CTCFL: variants seen among roughly 807,000 people sequenced by gnomAD.
CTCFL encodes CCCTC-binding factor like, also known as transcriptional repressor CTCFL.
A neutral mutation model predicts 67.4 loss-of-function variants in CTCFL; 36 were observed. That is an observed-to-expected ratio of 0.53 (90% CI 0.41 to 0.71). The LOEUF (loss-of-function observed/expected upper bound fraction) is 0.71. Ranked by LOEUF, CTCFL falls within the 30% of genes least tolerant of loss-of-function variation. The pLI is 0.00. For synonymous variants in CTCFL, 324 were observed against 302.3 expected, an observed-to-expected ratio of 1.07 and a Z score of -0.75; for missense variants, 786 against 835.2, an observed-to-expected ratio of 0.94 and a Z score of 0.73.
At chr20:57,518,124 C>T (rs543441465) in intron 5 of CTCFL, among the ~76,000 whole-genome samples, 5 of 152,244 alleles carry the variant, frequency 3.3e-5, no homozygotes, top group African/African-American at 9.6e-5. Flanking sequence ...GGCTCAAAAC[C>T]GGGCCTCAGC....
chr20:57,508,561 AG>A lies in CTCFL; in HGVS notation c.1674+44del, dbSNP rs766399688. 16 of 1,580,316 alleles carry A rather than the reference AG, an allele frequency of 1.0e-5. No individual in the cohort carries two copies. The South Asian group carries it at 1.7e-4, about 17-fold the overall frequency. ...GTGTGACACTGTCCTCCTGAGATAGAGGGATCTTTCCATGGGGGATTTACTG... is the reference window on the plus strand; with the variant it reads ...GTGTGACACTGTCCTCCTGAGATAGAGGATCTTTCCATGGGGGATTTACTG... On this transcript the variant is annotated intron_variant, in intron 9 of 10. Coordinates refer to ENST00000243914, the MANE Select transcript of CTCFL (RefSeq NM_001386993.1).
intron 9 of CTCFL, 47 bp from the exon 10 acceptor site, chr20:57,503,648 A>T (rs761932459): frequency 6.2e-7 from 1 of 1,600,150 alleles, no homozygotes; most frequent in East Asian, 2.2e-5. Flanking sequence ...GAGATGGGGC[A>T]GGGACCCCTC....
intron 10 of CTCFL, among the ~76,000 whole-genome samples, chr20:57,501,179 C>T (rs549633304): frequency 1.4e-4 from 22 of 152,292 alleles, no homozygotes; most frequent in African/African-American, 4.8e-4. Flanking sequence ...GGGACGGACC[C>T]GATGGGCCAG....
At chr20:57,515,489 C>T in intron 6 of CTCFL, 2 of 533,572 alleles carry the variant, frequency 3.7e-6, no homozygotes, top group Non-Finnish European at 6.6e-6. Flanking sequence ...GAAGCAAATA[C>T]TTTGTGTTTT....
intron 1 of CTCFL, chr20:57,524,608 C>G: frequency 1.9e-6 from 2 of 1,026,162 alleles, no homozygotes; most frequent in Non-Finnish European, 1.2e-6. Flanking sequence ...GGTTTGGGCC[C>G]AGCAGGCTCT....
chr20:57,503,345 ACATCCCCTGGACAG>A (rs1185077115), intron 10 of CTCFL, 77 bp downstream of exon 10: 1 of 1,468,856 alleles, frequency 6.8e-7, no homozygotes, highest in Non-Finnish European at 9.4e-7. Context: ...GGCTCTGGAC[ACATCCCCTGGACAG>A]TAACACTCGG....
chr20:57,517,140 A>C (rs576134423), intron 5 of CTCFL, among the ~76,000 whole-genome samples: 3 of 152,224 alleles, frequency 2.0e-5, no homozygotes, highest in African/African-American at 7.2e-5. Context: ...GTATATTAGA[A>C]AGCAAAACAA....
chr20:57,522,321 G>T (rs1367313941), intron 3 of CTCFL, among the ~76,000 whole-genome samples: 2 of 152,198 alleles, frequency 1.3e-5, no homozygotes, highest in East Asian at 1.9e-4. Flanking sequence ...AAAAGAGCTA[G>T]AAATTGAAAT....
intron 5 of CTCFL, among the ~76,000 whole-genome samples, chr20:57,517,456 T>G (rs562292236): frequency 6.6e-6 from 1 of 152,162 alleles, no homozygotes; most frequent in Non-Finnish European, 1.5e-5. Context: ...TTTTGTATTT[T>G]TAGTAGAGAC....
chr20:57,503,043 G>A (rs1056516223), intron 10 of CTCFL, among the ~76,000 whole-genome samples: 4 of 152,172 alleles, frequency 2.6e-5, no homozygotes, highest in Non-Finnish European at 5.9e-5. Context: ...GTCCCCCGAG[G>A]GAGGGCGGCC....
At chr20:57,497,125 AG>A, downstream of CTCFL, 2 of 492,290 alleles carry the variant, frequency 4.1e-6, no homozygotes, top group Non-Finnish European at 5.3e-6. Context: ...CTCCAGACAA[AG>A]AAGATGTTTT....
Position 57,506,874 on chromosome 20 carries a change from C to T in CTCFL, c.1674+1732G>A, listed in dbSNP as rs140704296. ...CAATGGTGTTTTGGGAGCACTGCCACAGCTTTTATTTGAAATTTTAAACTA... is the reference window on the plus strand; with the variant it reads ...CAATGGTGTTTTGGGAGCACTGCCATAGCTTTTATTTGAAATTTTAAACTA... On this transcript the variant is annotated intron_variant, in intron 9 of 10. Coordinates refer to ENST00000243914, the MANE Select transcript of CTCFL (RefSeq NM_001386993.1). 1,985 of 985,236 alleles carry T rather than the reference C, an allele frequency of 2.0e-3. 5 individuals are homozygous for T. The highest frequency in any genetic ancestry group is 2.1e-3 in the Middle Eastern group (4 of 1,914). The allele number at this position is 985,236 out of a possible 1,614,324, so 61.0% of individuals were successfully genotyped here. A position where few individuals can be genotyped will look rare whatever the true frequency, so the allele number is the denominator to read the frequency against.
intron 7 of CTCFL, 116 bp downstream of exon 7, chr20:57,514,476 A>G: frequency 7.9e-7 from 1 of 1,267,962 alleles, no homozygotes; most frequent in Non-Finnish European, 1.1e-6. Flanking sequence ...TCCCAGGGCC[A>G]AGTTCCCGAA....
chr20:57,523,533 TC>T (rs2069559772), intron 2 of CTCFL, 129 bp downstream of exon 2: 1 of 1,305,056 alleles, frequency 7.7e-7, no homozygotes, highest in South Asian at 1.5e-5. Flanking sequence ...CTCAAGATTT[TC>T]CTGGGAAGTA....
At position 57,514,824 on chromosome 20, in the gene CTCFL, T is replaced by C. The variant is rs1216429460; in HGVS notation, c.1181-83A>G. On this transcript the variant is annotated intron_variant, in intron 6 of 10. Transcript: ENST00000243914. The stretch of plus-strand genomic sequence containing the variant: ...CCTGTGCTGAAAGTGTTTTTTTTTT[T>C]TGCCCCAAGCCTCCTTTATCAACCC... 8 of 1,430,548 alleles carry C rather than the reference T, an allele frequency of 5.6e-6. No homozygotes were observed. The African/African-American group carries it at 1.2e-4, about 21-fold the overall frequency. 88.6% of individuals were successfully genotyped at this position (1,430,548 alleles called of 1,614,324 possible). A position where few individuals can be genotyped will look rare whatever the true frequency, so the allele number is the denominator to read the frequency against.
At chr20:57,521,113 C>T (rs1034377172) in intron 3 of CTCFL, among the ~76,000 whole-genome samples, 1 of 152,188 alleles carries the variant, frequency 6.6e-6, no homozygotes, top group Admixed American at 6.5e-5. Flanking sequence ...CATGGCTTTG[C>T]CAACACCTCA....
chr20:57,513,298 T>C (rs541964504), intron 7 of CTCFL: 368 of 985,738 alleles, frequency 3.7e-4, no homozygotes, highest in Non-Finnish European at 3.5e-4. Flanking sequence ...GAAATTAACC[T>C]GAGACACATG....
At chr20:57,518,561 G>A in intron 5 of CTCFL, 197 bp downstream of exon 5, 2 of 1,431,864 alleles carry the variant, frequency 1.4e-6, no homozygotes, top group Non-Finnish European at 1.9e-6. Flanking sequence ...TCACTAATTA[G>A]TAATCAAAGA....
chr20:57,524,369 A>C lies in CTCFL; in HGVS notation c.-11-153T>G. On this transcript the variant is annotated intron_variant, in intron 1 of 10. Coordinates refer to ENST00000243914, the MANE Select transcript of CTCFL (RefSeq NM_001386993.1). ...ACTTAGTAGGGTCAGAACAATGCTGATCTGGCTTGGGTCTAGGAGGGGGTC... is the reference window on the plus strand; with the variant it reads ...ACTTAGTAGGGTCAGAACAATGCTGCTCTGGCTTGGGTCTAGGAGGGGGTC... The C allele has an allele frequency of 5.5e-6, 8 of 1,454,406 alleles. No individual in the cohort carries two copies. In the South Asian group the frequency reaches 1.2e-4, roughly 21 times the overall value. 90.1% of individuals were successfully genotyped at this position (1,454,406 alleles called of 1,614,324 possible).
Sources: gnomAD v4.1 joint callset for allele counts (sites outside exome capture counted in the v4.1 genomes callset) on GRCh38, gnomAD v4.1.1 for gene constraint, MANE v1.5 for transcripts, NCBI Gene and HGNC (gene_info 2026-07-23, HGNC 2026-07-21) for gene names.